Variants in CPVL observed in about 807,000 individuals in gnomAD.
CPVL encodes probable serine carboxypeptidase CPVL.
CPVL carries 51 observed loss-of-function variants against 63.7 expected under a neutral mutation model. The observed-to-expected ratio is 0.80, with a 90% CI of 0.64 to 1.01. The LOEUF (loss-of-function observed/expected upper bound fraction) is 1.01, where lower values mean the gene tolerates loss of function less well. Ranked by LOEUF, CPVL falls within the 50% of genes least tolerant of loss-of-function variation. CPVL has a pLI of 0.00. For synonymous variants in CPVL, 195 were observed against 206.0 expected (o/e 0.95, Z 0.46); for missense variants, 530 against 573.1 (o/e 0.92, Z 0.77).
intron 11 of CPVL, among the ~76,000 whole-genome samples, chr7:29,052,710 C>T (rs1790312151): frequency 6.6e-6 from 1 of 152,118 alleles, no homozygotes; most frequent in Non-Finnish European, 1.5e-5. Flanking sequence ...GACATCCAGA[C>T]CATCCTGGCT....
At chr7:29,174,067 A>C (rs1360034825) in intron 5 of CPVL, among the ~76,000 whole-genome samples, 3 of 152,240 alleles carry the variant, frequency 2.0e-5, no homozygotes, top group Non-Finnish European at 4.4e-5. Flanking sequence ...GCTTCTCTTC[A>C]TAGTCTCCAT....
chr7:29,139,530 T>TTG (rs1381490135), intron 1 of CPVL, among the ~76,000 whole-genome samples: 1 of 138,926 alleles, frequency 7.2e-6, no homozygotes, highest in African/African-American at 2.7e-5. Context: ...AAGGCTATTC[T>TTG]TGGGGGGGCA....
At chr7:29,144,571 T>C (rs1792246051) in intron 1 of CPVL, among the ~76,000 whole-genome samples, 2 of 152,022 alleles carry the variant, frequency 1.3e-5, no homozygotes, top group Admixed American at 6.6e-5. Flanking sequence ...AAAGAAAGAA[T>C]GGGTCATTAC....
rs560040329 is a variant in CPVL at position 29,140,984 on chromosome 7, T to C, written c.-11+5445A>G. 1.2e-4 allele frequency among the ~76,000 whole-genome samples: 19 copies of C among 152,276 alleles called. No individual in the cohort carries two copies. In the South Asian group the frequency reaches 3.9e-3, roughly 32 times the overall value. ...AAGGTTGCATGACCTTTGTACCAGC[T>C]TTAGGGGCTGGCATTTCTGAGAGAG... On this transcript the variant is annotated intron_variant, in intron 1 of 12. Coordinates refer to ENST00000265394, the MANE Select transcript of CPVL (RefSeq NM_031311.5).
upstream of CPVL, among the ~76,000 whole-genome samples, chr7:29,149,297 A>G (rs1793251477): frequency 1.4e-5 from 2 of 145,882 alleles, no homozygotes; most frequent in African/African-American, 5.1e-5. Context: ...GGTTCAAGCG[A>G]TTCCCTGCTT....
intron 12 of CPVL, among the ~76,000 whole-genome samples, chr7:28,999,068 C>T (rs1023949812): frequency 6.6e-6 from 1 of 151,830 alleles, no homozygotes; most frequent in Non-Finnish European, 1.5e-5. Context: ...AAAAATTAGC[C>T]AGGCATGGTG....
intron 11 of CPVL, among the ~76,000 whole-genome samples, chr7:29,038,938 T>G (rs1788802579): frequency 6.6e-6 from 1 of 152,206 alleles, no homozygotes; most frequent in South Asian, 2.1e-4. Context: ...ATGAGATCTC[T>G]GCCTATTCAA....
At chr7:29,124,783 T>A (rs1339401938) in intron 1 of CPVL, among the ~76,000 whole-genome samples, 2 of 152,114 alleles carry the variant, frequency 1.3e-5, no homozygotes, top group Non-Finnish European at 2.9e-5. Context: ...CCTTATTTAA[T>A]ACTTCTTAAT....
At chr7:29,037,056 C>G (rs559391014) in intron 11 of CPVL, among the ~76,000 whole-genome samples, 1 of 152,226 alleles carries the variant, frequency 6.6e-6, no homozygotes, top group East Asian at 1.9e-4. Flanking sequence ...TGAACAGGTG[C>G]TTTATTCTAT....
intron 2 of CPVL, among the ~76,000 whole-genome samples, chr7:29,114,326 C>T (rs1788551733): frequency 6.6e-6 from 1 of 152,110 alleles, no homozygotes; most frequent in Admixed American, 6.5e-5. Flanking sequence ...AGCTGAAGCA[C>T]AGAGAGGTTA....
intron 5 of CPVL, among the ~76,000 whole-genome samples, chr7:29,167,186 T>A (rs974896438): frequency 6.6e-6 from 1 of 152,218 alleles, no homozygotes; most frequent in Non-Finnish European, 1.5e-5. Context: ...TTAAACTAAC[T>A]TTTAATTATT....
chr7:29,158,958 C>A (rs914036448), intron 5 of CPVL, among the ~76,000 whole-genome samples: 4 of 152,166 alleles, frequency 2.6e-5, no homozygotes, highest in Admixed American at 1.3e-4. Context: ...AAATAAGATA[C>A]CCTGCGGCAA....
intron 1 of CPVL, among the ~76,000 whole-genome samples, chr7:29,189,244 G>A (rs759964854): frequency 8.5e-5 from 13 of 152,084 alleles, no homozygotes; most frequent in South Asian, 2.1e-4. Context: ...GAGCCACCGC[G>A]CCCAGCCAGT....
At chr7:29,103,196 G>C (rs1475155770) in intron 3 of CPVL, among the ~76,000 whole-genome samples, 1 of 32,460 alleles carries the variant, frequency 3.1e-5, no homozygotes, top group Admixed American at 4.0e-4. Context: ...GGGGGGGGGG[G>C]TGCTAAAAAC....
intron 12 of CPVL, chr7:29,009,187 T>TAAAAAAAAAA (rs3042205): frequency 9.5e-6 from 1 of 105,220 alleles, no homozygotes; most frequent in Non-Finnish European, 1.8e-5. Flanking sequence ...TTGATGGCAT[T>TAAAAAAAAAA]AAAAAAAAAA....
chr7:29,144,183 T>A (rs1792200607), intron 1 of CPVL, among the ~76,000 whole-genome samples: 1 of 152,192 alleles, frequency 6.6e-6, no homozygotes, highest in South Asian at 2.1e-4. Flanking sequence ...GTTCAGTCAA[T>A]GAAAATCTCA....
intron 12 of CPVL, among the ~76,000 whole-genome samples, chr7:29,002,205 A>G (rs1784711474): frequency 6.6e-6 from 1 of 152,116 alleles, no homozygotes; most frequent in Admixed American, 6.6e-5. Flanking sequence ...CCCAAAAGAA[A>G]CAACAACAAC....
intron 1 of CPVL, among the ~76,000 whole-genome samples, chr7:29,135,688 T>C (rs773935882): frequency 6.6e-6 from 1 of 151,950 alleles, no homozygotes; most frequent in Non-Finnish European, 1.5e-5. Flanking sequence ...TATTTATTTA[T>C]TTTTATTTAT....
In CPVL at chr7:29,112,806, C is replaced by G. The variant is rs1361827564; in HGVS notation, c.186G>C (p.Leu62Phe). The G allele has an allele frequency of 1.2e-6, 2 of 1,612,502 alleles. No homozygotes were observed. Among genetic ancestry groups the G allele is most frequent in the African/African-American group, 2.7e-5 (2 of 74,600 alleles). ...TGTTCAGTCCTGGGAAAGGGCCGAC[C>G]AAACTCAATTCTCTTCCTAGTGGGG... ...GKIQKGRELS[L>F]VGPFPGLNMK... is the part of the protein sequence containing the mutation. The change falls in exon 3 of 13, where the codon TTG becomes TTC. Residue 62 changes from leucine (L) to phenylalanine (F), a missense_variant. Coordinates refer to ENST00000265394, the MANE Select transcript of CPVL (RefSeq NM_031311.5).
Sources: gnomAD v4.1 joint callset for allele counts (sites outside exome capture counted in the v4.1 genomes callset) on GRCh38, gnomAD v4.1.1 for gene constraint, MANE v1.5 for transcripts, NCBI Gene and HGNC (gene_info 2026-07-23, HGNC 2026-07-21) for gene names.